Variants in MAP7D1 observed in about 807,000 individuals in gnomAD.
MAP7D1 encodes the protein MAP7 domain-containing protein 1.
Under a neutral mutation model 97.5 loss-of-function variants are expected in MAP7D1, and 30 were observed. The observed-to-expected ratio is 0.31, with a 90% CI of 0.23 to 0.42. MAP7D1 has a LOEUF of 0.42. Ranked by LOEUF, MAP7D1 falls within the 10% of genes least tolerant of loss-of-function variation. The probability of loss-of-function intolerance (pLI) is 1.00; values close to 1 mark genes in which losing one functional copy is unlikely to be tolerated. For synonymous variants in MAP7D1, 536 were observed against 477.1 expected (o/e 1.12, Z -1.61); for missense variants, 1,184 against 1,179.5 (o/e 1.00, Z -0.06).
chr1:36,169,704 A>C (rs2124223539), intron 1 of MAP7D1, among the ~76,000 whole-genome samples: 1 of 152,300 alleles, frequency 6.6e-6, no homozygotes, highest in East Asian at 1.9e-4. Context: ...CAACATACAG[A>C]AGCTTCTGTT....
intron 1 of MAP7D1, among the ~76,000 whole-genome samples, chr1:36,166,420 CCTT>C (rs1406193301): frequency 4.1e-5 from 6 of 146,118 alleles, no homozygotes; most frequent in African/African-American, 7.6e-5. Context: ...GACAGAGTCT[CCTT>C]CTGTCACCCA....
intron 8 of MAP7D1, chr1:36,177,635 A>T: frequency 1.3e-6 from 1 of 754,422 alleles, no homozygotes; most frequent in Non-Finnish European, 2.3e-6. Context: ...TTTTTCTCTT[A>T]TTAAGCTTAC....
chr1:36,176,318 C>G lies in MAP7D1; in HGVS notation c.970C>G (p.Gln324Glu). 6 of 1,552,220 alleles carry G rather than the reference C, an allele frequency of 3.9e-6. No homozygotes were observed. Among genetic ancestry groups the G allele is most frequent in the Non-Finnish European group, 5.2e-6 (6 of 1,150,898 alleles). The change falls in exon 7 of 17, where the codon CAG (glutamine) becomes GAG (glutamate). Residue 324 changes from glutamine (Q) to glutamate (E), a missense_variant. By Grantham distance (29) the Gln-to-Glu change is conservative. Transcript: ENST00000474796. The surrounding 1 kb of genome is among the most constrained non-coding windows in gnomAD (Gnocchi z 6.1). The part of the protein sequence containing the change: ...AVTLPRNGRD[Q>E]GRGCDPGRGP... ...CACACTGCCCCGCAACGGCCGGGAC[C>G]AGGGTAGGGGCTGCGACCCTGGGAG...
At chr1:36,179,494 T>C in intron 13 of MAP7D1, 21 bp from the exon 14 acceptor site, 1 of 1,580,374 alleles carries the variant, frequency 6.3e-7, no homozygotes, top group Non-Finnish European at 8.6e-7. Flanking sequence ...TGAGCCTGAC[T>C]GCTCTTCCTC....
In MAP7D1 at chr1:36,178,173, G is replaced by C; in HGVS notation, c.1680G>C (p.Lys560Asn). 1 of 1,575,828 alleles carries C rather than the reference G, an allele frequency of 6.3e-7. No homozygotes were observed. The highest frequency in any genetic ancestry group is 1.2e-5 in the South Asian group (1 of 86,714). ...APSPTPAPPQ[K>N]EQPPAETPTD... ...CGCCCACCCCAGCCCCGCCCCAGAAGGAGCAGCCCCCCGCGGAGACCCCTA... is the reference window on the plus strand; with the variant it reads ...CGCCCACCCCAGCCCCGCCCCAGAACGAGCAGCCCCCCGCGGAGACCCCTA... Residue 560 changes from lysine (K) to asparagine (N), a missense_variant, in exon 9 of 17, where the codon AAG becomes AAC. Lys to Asn is a moderately conservative substitution (Grantham distance 94). Transcript: ENST00000474796.
rs775090717 is a variant in MAP7D1, at chr1:36,179,475, G to A, written c.2185-40G>A. ...ACTCAGTCCGAAGTGGCTGGGGCCGGCTGTCCCTTGAGCCTGACTGCTCTT... is the reference window on the plus strand; with the variant it reads ...ACTCAGTCCGAAGTGGCTGGGGCCGACTGTCCCTTGAGCCTGACTGCTCTT... On this transcript the variant is annotated intron_variant, in intron 13 of 16. Coordinates refer to ENST00000474796, the MANE Select transcript of MAP7D1 (RefSeq NM_001388490.1). 140 of 1,577,306 alleles carry A rather than the reference G, an allele frequency of 8.9e-5. 1 individual carries two copies. Among genetic ancestry groups the A allele is most frequent in the Admixed American group, 2.2e-4 (12 of 54,150 alleles).
intron 1 of MAP7D1, among the ~76,000 whole-genome samples, chr1:36,160,492 G>A (rs1644392229): frequency 6.6e-6 from 1 of 152,216 alleles, no homozygotes. Context: ...ACAATGCTCA[G>A]CATGTCACGG....
At chr1:36,165,244 A>G (rs1644459944) in intron 1 of MAP7D1, among the ~76,000 whole-genome samples, 1 of 151,872 alleles carries the variant, frequency 6.6e-6, no homozygotes, top group South Asian at 2.1e-4. Context: ...CTGCCTTAGC[A>G]TCCTAACTAG....
intron 3 of MAP7D1, chr1:36,171,934 C>CA (rs10631607): frequency 0.095 from 5,914 of 62,376 alleles, 672 homozygotes; most frequent in African/African-American, 0.21. Context: ...AACTCCGTCT[C>CA]AAAAAAAAAA....
Position 36,159,751 on chromosome 1 carries a change from C to G in MAP7D1, c.46+3288C>G, listed in dbSNP as rs909942580. ...TGGTGTTAGTGTGCAGTGGGCTGTGCTTGTGGAAGGCTTCACGGAGGAGGC... is the reference window on the plus strand; with the variant it reads ...TGGTGTTAGTGTGCAGTGGGCTGTGGTTGTGGAAGGCTTCACGGAGGAGGC... On this transcript the variant is annotated intron_variant, in intron 1 of 16. Transcript: ENST00000474796. The surrounding 1 kb of genome is among the most constrained non-coding windows in gnomAD (Gnocchi z 5.4). Among the ~76,000 whole-genome samples the G allele has an allele frequency of 6.6e-6, 1 of 152,150 alleles. No individual in the cohort carries two copies. Among genetic ancestry groups the G allele is most frequent in the African/African-American group, 2.4e-5 (1 of 41,436 alleles).
Position 36,176,097 on chromosome 1 carries a change from C to G in MAP7D1, c.851-102C>G. ...GGGGAGAGGACTCCCGGGTGAGAAG[C>G]CTTGGCCTTGGCATGGGGATGGTGC... On this transcript the variant is annotated intron_variant, in intron 6 of 16. Transcript: ENST00000474796. This position sits in a 1 kb window ranked among gnomAD's most constrained non-coding sequence, Gnocchi z 6.1. 1 of 1,342,746 alleles carries G rather than the reference C, an allele frequency of 7.4e-7. No homozygotes were observed. The allele number at this position is 1,342,746 out of a possible 1,614,324, so 83.2% of individuals were successfully genotyped here.
chr1:36,177,541 A>G (rs1644644411), intron 8 of MAP7D1: 1 of 598,774 alleles, frequency 1.7e-6, no homozygotes, highest in Non-Finnish European at 3.2e-6. Flanking sequence ...AACAACAACA[A>G]CAACAAAACC....
At position 36,178,215 on chromosome 1, in the gene MAP7D1, G is replaced by C. The variant is rs1332356514; in HGVS notation, c.1708+14G>C. 1 of 1,539,676 alleles carries C rather than the reference G, an allele frequency of 6.5e-7. No homozygotes were observed. The highest frequency in any genetic ancestry group is 8.8e-7 in the Non-Finnish European group (1 of 1,142,164). ...AGACCCCTACAGGTAGGAATGAAGA[G>C]AGGGGAGGGGTGGGCCGAGCGAGAG... On this transcript the variant is annotated intron_variant, in intron 9 of 16. Transcript: ENST00000474796.
chr1:36,172,429 C>G (rs558489100), intron 3 of MAP7D1, 35 bp from the exon 4 acceptor site: 59 of 1,492,910 alleles, frequency 4.0e-5, no homozygotes, highest in Non-Finnish European at 4.9e-5. Context: ...TCTGCAGAAC[C>G]CTTCACACAC....
rs762749169 is a variant in MAP7D1 at position 36,172,541 on chromosome 1, C to T, written c.538C>T (p.Arg180Cys). Residue 180 changes from arginine (R) to cysteine (C), a missense_variant, in exon 4 of 17, where the codon CGC becomes TGC. Transcript: ENST00000474796. ...LREKQLQERR[R>C]RLEEQRLKAE... ...GGAGAAGCAGCTCCAGGAGCGCCGGCGCCGGCTGGAGGAGCAACGTCTTAA... is the reference window on the plus strand; with the variant it reads ...GGAGAAGCAGCTCCAGGAGCGCCGGTGCCGGCTGGAGGAGCAACGTCTTAA... 2.7e-5 allele frequency: 43 copies of T among 1,602,944 alleles called. No individual in the cohort carries two copies. The highest frequency in any genetic ancestry group is 3.0e-5 in the Non-Finnish European group (35 of 1,171,956).
rs1434331158 is a variant in MAP7D1, at chr1:36,177,510, A to G, written c.1380-363A>G. 9 of 516,516 alleles carry G rather than the reference A, an allele frequency of 1.7e-5. No homozygotes were observed. The East Asian group carries it at 4.3e-4, about 25-fold the overall frequency. The allele number at this position is 516,516 out of a possible 1,614,324, so 32.0% of individuals were successfully genotyped here. On this transcript the variant is annotated intron_variant, in intron 8 of 16. Transcript: ENST00000474796. ...CTGCACTCCAGCCTGGGGGTCAGCC[A>G]GATTCTGTCTTAAAAACAACAACAA... is the stretch of plus-strand genomic sequence containing the variant.
intron 1 of MAP7D1, among the ~76,000 whole-genome samples, chr1:36,168,870 C>A (rs774025644): frequency 6.6e-6 from 1 of 152,222 alleles, no homozygotes; most frequent in African/African-American, 2.4e-5. Flanking sequence ...CTCAAATTAC[C>A]TCTTTTTTTT....
intron 15 of MAP7D1, 36 bp from the exon 16 acceptor site, chr1:36,179,838 A>G (rs1417249841): frequency 6.3e-7 from 1 of 1,586,288 alleles, no homozygotes; most frequent in South Asian, 1.1e-5. Flanking sequence ...CTTTCCTGGG[A>G]GGTGAGGTGC....
intron 1 of MAP7D1, among the ~76,000 whole-genome samples, chr1:36,162,134 G>A (rs1453385796): frequency 2.0e-5 from 3 of 152,042 alleles, no homozygotes; most frequent in Non-Finnish European, 2.9e-5. Flanking sequence ...TCTCGGCCTC[G>A]TGCCTCTGCC....
Sources: allele counts gnomAD v4.1 joint callset (sites outside exome capture counted in the v4.1 genomes callset), GRCh38; gene constraint gnomAD v4.1.1; non-coding constraint Gnocchi (gnomAD v3.1); transcripts MANE v1.5; gene names NCBI Gene and HGNC (gene_info 2026-07-23, HGNC 2026-07-21).